LRP1B: variants seen among roughly 807,000 people sequenced by gnomAD.
The protein encoded by LRP1B is LDL receptor related protein 1B.
LRP1B carries 217 observed loss-of-function variants against 556.6 expected under a neutral mutation model. The ratio of observed to expected loss-of-function variants is 0.39; its 90% CI spans 0.35 to 0.44. LRP1B has a LOEUF of 0.44. Ranked by LOEUF, LRP1B falls within the 20% of genes least tolerant of loss-of-function variation. LRP1B has a pLI of 1.00. For synonymous variants in LRP1B, 2,047 were observed against 1,865.8 expected (o/e 1.10, Z -2.50); for missense variants, 5,053 against 5,620.8 (o/e 0.90, Z 3.23).
chr2:141,539,451 T>C, intron 2 of LRP1B, among the ~76,000 whole-genome samples: 1 of 152,214 alleles, frequency 6.6e-6, no homozygotes. Context: ...TGTTCCCATT[T>C]TGTAATTCCG....
chr2:140,386,147 G>C (rs2105199377), intron 66 of LRP1B, 138 bp from the exon 67 acceptor site: 1 of 641,604 alleles, frequency 1.6e-6, no homozygotes, highest in East Asian at 2.6e-5. Context: ...AGGAAAAATT[G>C]AAGGCAAGTG....
chr2:141,335,478 T>A (rs773696994), intron 3 of LRP1B, among the ~76,000 whole-genome samples: 1 of 152,178 alleles, frequency 6.6e-6, no homozygotes, highest in Non-Finnish European at 1.5e-5. Context: ...AAGGACCTTG[T>A]CTGCCATCAA....
At chr2:141,509,109 G>C (rs1684032663) in intron 2 of LRP1B, among the ~76,000 whole-genome samples, 2 of 152,070 alleles carry the variant, frequency 1.3e-5, no homozygotes, top group Non-Finnish European at 2.9e-5. Flanking sequence ...AATTTAGGGC[G>C]CTTTCAAAAA....
chr2:140,989,115 C>T (rs1697013597), intron 17 of LRP1B, among the ~76,000 whole-genome samples: 1 of 151,908 alleles, frequency 6.6e-6, no homozygotes, highest in African/African-American at 2.4e-5. Context: ...GAATAGAAAA[C>T]TATTCACAGA....
chr2:141,075,559 G>A (rs79909980), intron 7 of LRP1B, among the ~76,000 whole-genome samples: 5,850 of 152,210 alleles, frequency 0.038, 181 homozygotes, highest in Middle Eastern at 0.12. Flanking sequence ...CTCAATATAC[G>A]TGATTCATGT....
At chr2:141,201,910 G>A (rs1682039360) in intron 6 of LRP1B, among the ~76,000 whole-genome samples, 1 of 152,138 alleles carries the variant, frequency 6.6e-6, no homozygotes, top group African/African-American at 2.4e-5. Context: ...CCAAATATTT[G>A]TGAGATGCTT....
At chr2:140,316,848 C>T (rs1035978232) in intron 82 of LRP1B, among the ~76,000 whole-genome samples, 7 of 152,086 alleles carry the variant, frequency 4.6e-5, no homozygotes, top group Non-Finnish European at 7.4e-5. Context: ...CAGCCCTTAT[C>T]GACTGTATCT....
chr2:141,669,061 T>C (rs1286985272), intron 2 of LRP1B, among the ~76,000 whole-genome samples: 2 of 152,146 alleles, frequency 1.3e-5, no homozygotes, highest in East Asian at 3.9e-4. Flanking sequence ...CCAAAATTCA[T>C]ATATTCAAGT....
chr2:141,559,227 G>A (rs563829435), intron 2 of LRP1B, among the ~76,000 whole-genome samples: 1 of 151,582 alleles, frequency 6.6e-6, no homozygotes, highest in South Asian at 2.1e-4. Flanking sequence ...TAGGAATGGT[G>A]AATATTTTTC....
chr2:140,605,652 C>T (rs1038687046), intron 41 of LRP1B, among the ~76,000 whole-genome samples: 2 of 151,244 alleles, frequency 1.3e-5, no homozygotes, highest in Admixed American at 1.3e-4. Flanking sequence ...GCCTGCCTGC[C>T]TGCCTCCGTT....
chr2:140,501,218 T>C (rs975028856), intron 55 of LRP1B, among the ~76,000 whole-genome samples: 2 of 152,122 alleles, frequency 1.3e-5, no homozygotes, highest in Admixed American at 6.6e-5. Flanking sequence ...TAATAATTCA[T>C]AGTTTATGGA....
chr2:141,329,383 C>A (rs1180299701), intron 3 of LRP1B, among the ~76,000 whole-genome samples: 1 of 90,628 alleles, frequency 1.1e-5, no homozygotes, highest in Non-Finnish European at 2.2e-5. Context: ...AGCAAAACTC[C>A]GTCAAAAAAA....
At position 141,247,256 on chromosome 2, in the gene LRP1B, G is replaced by A. The variant is rs1162501208; in HGVS notation, c.562C>T (p.Pro188Ser). The A allele has an allele frequency of 3.7e-6, 6 of 1,613,736 alleles. No homozygotes were observed. In the East Asian group the frequency reaches 1.3e-4, roughly 36 times the overall value. ...CSCVEGYLMQ[P>S]DNRSCKAKIE... The stretch of plus-strand genomic sequence containing the variant: ...TTAGCCTTGCAAGATCTGTTGTCTG[G>A]CTGCATTAGGTAGCCTTCCACACAA... The change falls in exon 5 of 91, where the codon CCA becomes TCA. Residue 188 changes from proline to serine, a missense_variant. Physicochemically the swap from Pro to Ser is moderately conservative, Grantham distance 74. Transcript: ENST00000389484.
At chr2:140,503,138 A>G in intron 53 of LRP1B, 35 bp from the exon 54 acceptor site, 2 of 1,600,710 alleles carry the variant, frequency 1.2e-6, no homozygotes, top group Middle Eastern at 1.7e-4. Flanking sequence ...ACTAATTCAC[A>G]TAACAAATAC....
At chr2:142,109,490 G>A (rs1559075531) in intron 1 of LRP1B, among the ~76,000 whole-genome samples, 1 of 152,138 alleles carries the variant, frequency 6.6e-6, no homozygotes, top group Non-Finnish European at 1.5e-5. Flanking sequence ...CCAAGAAAAT[G>A]TAAGAGCAAA....
intron 1 of LRP1B, among the ~76,000 whole-genome samples, chr2:141,986,408 A>T (rs1475831832): frequency 6.6e-6 from 1 of 151,954 alleles, no homozygotes; most frequent in African/African-American, 2.4e-5. Context: ...CTTGCCATGT[A>T]TTCTAAGGTA....
chr2:141,041,271 A>G (rs751589473), intron 11 of LRP1B, among the ~76,000 whole-genome samples: 1 of 152,122 alleles, frequency 6.6e-6, no homozygotes. Context: ...TGTTGCTGTA[A>G]CAAATTGTCA....
intron 32 of LRP1B, among the ~76,000 whole-genome samples, chr2:140,780,417 G>A (rs1264140699): frequency 2.0e-5 from 3 of 152,202 alleles, no homozygotes; most frequent in South Asian, 2.1e-4. Context: ...AAATCAAAAT[G>A]TGTTCCATTT....
At chr2:141,893,209 G>A (rs1245287367) in intron 1 of LRP1B, among the ~76,000 whole-genome samples, 4 of 152,054 alleles carry the variant, frequency 2.6e-5, no homozygotes, top group Admixed American at 1.3e-4. Context: ...TTGGACAGGT[G>A]ATTTTTTTGA....
Sources: gnomAD v4.1 joint callset for allele counts (sites outside exome capture counted in the v4.1 genomes callset) on GRCh38, gnomAD v4.1.1 for gene constraint, MANE v1.5 for transcripts, NCBI Gene and HGNC (gene_info 2026-07-23, HGNC 2026-07-21) for gene names.